INSC: variants seen among roughly 807,000 people sequenced by gnomAD.
INSC encodes INSC spindle orientation adaptor protein.
In INSC, 67 loss-of-function variants were observed where a neutral mutation model predicts 58.6. That is an observed-to-expected ratio of 1.14 (90% CI 0.94 to 1.40). The LOEUF is 1.40. INSC is among the 40% of genes most tolerant of loss of function. The pLI, the probability that INSC is intolerant of heterozygous loss-of-function variation, is 0.00. For synonymous variants in INSC, 262 were observed against 276.1 expected (o/e 0.95, Z 0.51); for missense variants, 714 against 692.0 (o/e 1.03, Z -0.36).
chr11:15,151,392 T>G (rs943725288), intron 2 of INSC, among the ~76,000 whole-genome samples: 1 of 152,122 alleles, frequency 6.6e-6, no homozygotes, highest in African/African-American at 2.4e-5. Context: ...GGACTGCTGG[T>G]ATAAATAACA....
intron 4 of INSC, among the ~76,000 whole-genome samples, chr11:15,177,853 G>A (rs1849626786): frequency 6.6e-6 from 1 of 152,090 alleles, no homozygotes; most frequent in African/African-American, 2.4e-5. Flanking sequence ...TTTCTTGTCT[G>A]GGAAGAAAAT....
At chr11:15,267,726 CA>C in the INSC span, among the ~76,000 whole-genome samples, 4 of 151,808 alleles carry the variant, frequency 2.6e-5, no homozygotes, top group Admixed American at 2.6e-4. Flanking sequence ...TCTTCTATGC[CA>C]TTTTCAGATC....
intron 1 of INSC, among the ~76,000 whole-genome samples, chr11:15,115,959 G>A (rs1317240985): frequency 6.6e-6 from 1 of 152,136 alleles, no homozygotes; most frequent in Non-Finnish European, 1.5e-5. Context: ...TTATACCTCT[G>A]ACAATGGGTC....
intron 9 of INSC, among the ~76,000 whole-genome samples, chr11:15,231,037 G>A (rs1377904182): frequency 2.6e-5 from 4 of 152,150 alleles, no homozygotes; most frequent in Non-Finnish European, 4.4e-5. Context: ...CAGGTCCTGC[G>A]CCCTGGGCCC....
chr11:15,220,844 C>G (rs1347453734), intron 7 of INSC, among the ~76,000 whole-genome samples: 1 of 152,208 alleles, frequency 6.6e-6, no homozygotes, highest in Non-Finnish European at 1.5e-5. Flanking sequence ...TTGCTTCTTA[C>G]TGGTTGGGCA....
intron 3 of INSC, 106 bp from the exon 4 acceptor site, chr11:15,177,005 C>G: frequency 1.1e-6 from 1 of 896,618 alleles, no homozygotes; most frequent in East Asian, 2.4e-5. Context: ...TTCCCCAAGT[C>G]ACATTAATTG....
chr11:15,136,515 T>C (rs1167246340), intron 1 of INSC, among the ~76,000 whole-genome samples: 1 of 152,224 alleles, frequency 6.6e-6, no homozygotes, highest in African/African-American at 2.4e-5. Context: ...TCTTTCAAAA[T>C]TGGAGTTAAT....
chr11:15,190,600 A>G (rs1850128372), intron 5 of INSC, 101 bp from the exon 6 acceptor site: 1 of 800,676 alleles, frequency 1.2e-6, no homozygotes, highest in Non-Finnish European at 2.2e-6. Flanking sequence ...AGTAGATTCC[A>G]TGGTTGCTGT....
In INSC at chr11:15,174,067, A is replaced by AC. The variant is rs1339380572; in HGVS notation, c.57-1669dup. ...CAGCCCCATAGGATCTACTCCCCTC[A>AC]CCCCCACCTCATTGCTCTCAACTCA... On this transcript the variant is annotated intron_variant, in intron 2 of 12. Coordinates refer to ENST00000379556, the MANE Select transcript of INSC (RefSeq NM_001042536.3). 2.2e-5 allele frequency among the ~76,000 whole-genome samples: 3 copies of AC among 136,022 alleles called. No homozygotes were observed. In the East Asian group the frequency reaches 6.6e-4, roughly 30 times the overall value. The allele number at this position is 136,022 out of a possible 152,430, so 89.2% of individuals were successfully genotyped here.
chr11:15,226,649 C>T (rs1024139430), intron 9 of INSC, among the ~76,000 whole-genome samples: 1 of 152,088 alleles, frequency 6.6e-6, no homozygotes, highest in African/African-American at 2.4e-5. Context: ...GCATTTTAGC[C>T]CCTAAACCAT....
chr11:15,185,388 C>T (rs1383361676), intron 5 of INSC, among the ~76,000 whole-genome samples: 1 of 151,832 alleles, frequency 6.6e-6, no homozygotes. Context: ...TGATAAAAAG[C>T]CTCATTCATC....
chr11:15,117,211 G>A (rs1478906798), intron 1 of INSC, among the ~76,000 whole-genome samples: 1 of 151,822 alleles, frequency 6.6e-6, no homozygotes, highest in Non-Finnish European at 1.5e-5. Flanking sequence ...GATACTGCTG[G>A]GATAACAGGT....
chr11:15,156,026 C>A (rs1210302498), intron 2 of INSC, among the ~76,000 whole-genome samples: 2 of 152,142 alleles, frequency 1.3e-5, no homozygotes, highest in Non-Finnish European at 2.9e-5. Flanking sequence ...AGGGCAGAGG[C>A]AGGGCAAGGC....
chr11:15,143,307 A>G (rs1281509467), intron 1 of INSC, among the ~76,000 whole-genome samples: 1 of 152,232 alleles, frequency 6.6e-6, no homozygotes, highest in East Asian at 1.9e-4. Context: ...TCCATGGGTC[A>G]GGGAAGCTGC....
chr11:15,188,271 G>C, intron 5 of INSC: 3 of 985,478 alleles, frequency 3.0e-6, no homozygotes, highest in Non-Finnish European at 3.6e-6. Context: ...CTCCTATTTG[G>C]CAAAACTTGC....
At chr11:15,176,107 A>T in intron 3 of INSC, 21 bp downstream of exon 3, 1 of 1,483,112 alleles carries the variant, frequency 6.7e-7, no homozygotes, top group East Asian at 2.5e-5. Flanking sequence ...CTGGGATAGG[A>T]GTGGGCGGGA....
chr11:15,164,070 G>A (rs571385340), intron 2 of INSC, among the ~76,000 whole-genome samples: 1 of 151,854 alleles, frequency 6.6e-6, no homozygotes, highest in East Asian at 1.9e-4. Context: ...TATGCTTCTT[G>A]TTCCTGTTTT....
At chr11:15,184,237 T>C (rs887749330) in intron 5 of INSC, among the ~76,000 whole-genome samples, 2 of 152,150 alleles carry the variant, frequency 1.3e-5, no homozygotes, top group Non-Finnish European at 2.9e-5. Flanking sequence ...TATTTTATCT[T>C]GGTTTTATAA....
intron 1 of INSC, among the ~76,000 whole-genome samples, chr11:15,118,098 C>A (rs1564854747): frequency 6.6e-6 from 1 of 152,184 alleles, no homozygotes; most frequent in Non-Finnish European, 1.5e-5. Context: ...TGAGCCCTCC[C>A]CCAGTATGGA....
Sources: allele counts gnomAD v4.1 joint callset (sites outside exome capture counted in the v4.1 genomes callset), GRCh38; gene constraint gnomAD v4.1.1; transcripts MANE v1.5; gene names NCBI Gene and HGNC (gene_info 2026-07-23, HGNC 2026-07-21).